The following LTBR variants were observed in gnomAD, a reference collection of about 807,000 sequenced individuals.
LTBR encodes the protein tumor necrosis factor receptor superfamily member 3.
A neutral mutation model predicts 45.4 loss-of-function variants in LTBR; 15 were observed. The ratio of observed to expected loss-of-function variants is 0.33; its 90% CI spans 0.22 to 0.51. The LOEUF is 0.51. Among genes scored for constraint, LTBR ranks in the 20% least tolerant of loss-of-function variants. The pLI is 0.97. For missense variants in LTBR, 450 were observed against 565.5 expected (o/e 0.80, Z 2.07); for synonymous variants, 228 against 231.0 (o/e 0.99, Z 0.12).
intron 8 of LTBR, 183 bp from the exon 9 acceptor site, chr12:6,389,929 C>T: frequency 1.7e-6 from 1 of 599,342 alleles, no homozygotes; most frequent in Non-Finnish European, 3.0e-6. Flanking sequence ...TGCACTGTAG[C>T]CTGGGTGACA....
At chr12:6,383,966 A>C, upstream of LTBR, 1 of 1,052,110 alleles carries the variant, frequency 9.5e-7, no homozygotes, top group Non-Finnish European at 1.2e-6. Flanking sequence ...GGCTGTCCGC[A>C]GTCCGCTCTC....
At position 6,375,887 on chromosome 12, in the gene LTBR, A is replaced by G. The variant is rs572713940; in HGVS notation, c.39+293A>G. The G allele has an allele frequency of 1.1e-5, 14 of 1,266,502 alleles. No individual in the cohort carries two copies. The East Asian group carries it at 4.9e-4, about 45-fold the overall frequency. The allele number at this position is 1,266,502 out of a possible 1,614,324, so 78.5% of individuals were successfully genotyped here. On this transcript the variant is annotated intron_variant, in intron 1 of 9. Transcript: ENST00000539925. ...GGGAACCGGGAGGACAGGAGGGCAGAAAGAGGGAGACAATAGAGAGGGACA... is the reference window on the plus strand; with the variant it reads ...GGGAACCGGGAGGACAGGAGGGCAGGAAGAGGGAGACAATAGAGAGGGACA...
chr12:6,382,296 G>C (rs892183171), upstream of LTBR, among the ~76,000 whole-genome samples: 6 of 152,198 alleles, frequency 3.9e-5, no homozygotes, highest in African/African-American at 4.8e-5. Flanking sequence ...GTGCGTTGGT[G>C]GGGGAGGGGG....
intron 1 of LTBR, chr12:6,375,690 G>A: frequency 6.9e-7 from 1 of 1,444,990 alleles, no homozygotes; most frequent in Non-Finnish European, 9.1e-7. Flanking sequence ...GGGAGTACTG[G>A]ACCTGAGAAG....
At position 6,386,290 on chromosome 12, in the gene LTBR, G is replaced by T. The variant is rs545949248; in HGVS notation, c.570-57G>T. On this transcript the variant is annotated intron_variant, in intron 5 of 9. Coordinates refer to ENST00000228918, the MANE Select transcript of LTBR (RefSeq NM_002342.3). The surrounding 1 kb of genome is among the most constrained non-coding windows in gnomAD (Gnocchi z 4.1). Reference sequence around the variant, plus strand: ...TCAGCCTCCCCGCCTGCCCAGTGGAGTCGGGACACTGGTGGGCCAGGGCGT... The same window carrying T: ...TCAGCCTCCCCGCCTGCCCAGTGGATTCGGGACACTGGTGGGCCAGGGCGT... 5,571 of 1,532,638 alleles carry T rather than the reference G, an allele frequency of 3.6e-3. 20 individuals are homozygous for T. Among genetic ancestry groups the T allele is most frequent in the Non-Finnish European group, 4.5e-3 (5,029 of 1,107,656 alleles). The allele number at this position is 1,532,638 out of a possible 1,614,324, so 94.9% of individuals were successfully genotyped here. A position where few individuals can be genotyped will look rare whatever the true frequency, so the allele number is the denominator to read the frequency against.
At chr12:6,375,469 G>C in exon 1 of LTBR, 1 of 1,535,564 alleles carries the variant, frequency 6.5e-7, no homozygotes, top group Non-Finnish European at 8.7e-7. Flanking sequence ...TTCCTTTCCA[G>C]TTGAATCTGG....
chr12:6,384,873 C>G, intron 2 of LTBR, 149 bp from the exon 3 acceptor site: 1 of 1,138,592 alleles, frequency 8.8e-7, no homozygotes, highest in Non-Finnish European at 1.3e-6. Flanking sequence ...CTCCTCTTTC[C>G]TTACCTCACT....
chr12:6,382,053 C>T (rs1948989949), upstream of LTBR, among the ~76,000 whole-genome samples: 1 of 151,320 alleles, frequency 6.6e-6, no homozygotes, highest in South Asian at 2.1e-4. Flanking sequence ...AAAGTGAAGA[C>T]TCTCTGAGCT....
chr12:6,386,394 C>A lies in LTBR; in HGVS notation c.617C>A (p.Ser206Tyr). 6.2e-7 allele frequency: 1 copy of A among 1,613,926 alleles called. No homozygotes were observed. The highest frequency in any genetic ancestry group is 2.2e-5 in the East Asian group (1 of 44,874). Reference sequence around the variant, plus strand: ...GAGGCAGCTCCAGGCACTGCCCAGTCCGACACAACCTGCAAAAATCCATTA... The same window carrying A: ...GAGGCAGCTCCAGGCACTGCCCAGTACGACACAACCTGCAAAAATCCATTA... ...LVEAAPGTAQ[S>Y]DTTCKNPLEP... Residue 206 changes from serine (S) to tyrosine (Y), a missense_variant, in exon 6 of 10, where the codon TCC becomes TAC. Physicochemically the swap from Ser to Tyr is moderately radical, Grantham distance 144. Around this residue, in one of 3 missense-constraint regions of LTBR, gnomAD observed 367 missense variants for 435.4 expected, o/e 0.84. Coordinates refer to ENST00000228918, the MANE Select transcript of LTBR (RefSeq NM_002342.3). The surrounding 1 kb of genome is among the most constrained non-coding windows in gnomAD (Gnocchi z 4.1).
Position 6,384,421 on chromosome 12 carries a change from C to T in LTBR, c.63C>T (p.Leu21=), listed in dbSNP as rs761189088. ...GLAWGPLVLG[L]FGLLAASQPQ... ...CCTGGGGGCCTCTGGTGCTGGGCCTCTTCGGGCTCCTGGCAGCATCGCAGC... is the reference window on the plus strand; with the variant it reads ...CCTGGGGGCCTCTGGTGCTGGGCCTTTTCGGGCTCCTGGCAGCATCGCAGC... The change falls in exon 1 of 10, where the codon CTC becomes CTT. Residue 21 remains leucine (L), a synonymous_variant. Coordinates refer to ENST00000228918, the MANE Select transcript of LTBR (RefSeq NM_002342.3). The T allele has an allele frequency of 3.2e-6, 5 of 1,545,992 alleles. No individual in the cohort carries two copies. The highest frequency in any genetic ancestry group is 1.2e-5 in the South Asian group (1 of 84,408).
At position 6,385,437 on chromosome 12, in the gene LTBR, G is replaced by A. The variant is rs111629241; in HGVS notation, c.472+58G>A. The A allele has an allele frequency of 4.7e-3, 7,464 of 1,597,160 alleles. 31 individuals are homozygous for A. Among genetic ancestry groups the A allele is most frequent in the Non-Finnish European group, 5.2e-3 (6,090 of 1,171,658 alleles). On this transcript the variant is annotated intron_variant, in intron 4 of 9. Transcript: ENST00000228918. ...GGAGGCTGGGTGCCAGGGATCTCAA[G>A]TGGGAGCAGGGAATATGGTACTGTG...
intron 6 of LTBR, chr12:6,387,273 C>A (rs1949060356): frequency 2.0e-5 from 3 of 152,214 alleles, no homozygotes; most frequent in African/African-American, 7.2e-5. Flanking sequence ...CGGACATTTT[C>A]TATGCATGTT....
chr12:6,384,926 G>C (rs1168542417), intron 2 of LTBR, 96 bp from the exon 3 acceptor site: 2 of 1,521,454 alleles, frequency 1.3e-6, no homozygotes, highest in Non-Finnish European at 1.8e-6. Context: ...TGGGGGGCCA[G>C]AGAGACCGAG....
chr12:6,377,878 C>A (rs1948935708), intron 1 of LTBR: 22 of 376,130 alleles, frequency 5.8e-5, no homozygotes, highest in South Asian at 4.0e-4. Flanking sequence ...AGGGTGGTGA[C>A]CCTGCCACGT....
chr12:6,385,607 G>A, intron 4 of LTBR: 1 of 593,628 alleles, frequency 1.7e-6, no homozygotes, highest in Non-Finnish European at 2.9e-6. Flanking sequence ...GGAAGCTTGG[G>A]CAAAATGGTA....
At chr12:6,377,960 G>C (rs1226868972) in intron 1 of LTBR, among the ~76,000 whole-genome samples, 2 of 152,226 alleles carry the variant, frequency 1.3e-5, no homozygotes, top group African/African-American at 2.4e-5. Context: ...GCTAGAACAG[G>C]CTTGGTGTTG....
At chr12:6,384,761 G>C in intron 2 of LTBR, 77 bp downstream of exon 2, 1 of 1,389,770 alleles carries the variant, frequency 7.2e-7, no homozygotes, top group Non-Finnish European at 1.0e-6. Context: ...GGCCTCAGAG[G>C]GAAGGTGGGC....
At chr12:6,385,605 G>A (rs1949031078) in intron 4 of LTBR, 5 of 595,124 alleles carry the variant, frequency 8.4e-6, no homozygotes, top group Non-Finnish European at 1.5e-5. Context: ...TGGGAAGCTT[G>A]GGCAAAATGG....
chr12:6,375,928 A>T, intron 1 of LTBR: 1 of 1,055,874 alleles, frequency 9.5e-7, no homozygotes, highest in Non-Finnish European at 1.1e-6. Flanking sequence ...GGACAGAGAG[A>T]TAGGGATGGA....
Sources: gnomAD v4.1 joint callset for allele counts (sites outside exome capture counted in the v4.1 genomes callset) on GRCh38, gnomAD v4.1.1 for gene constraint, gnomAD v4.1.1 regional missense constraint, Gnocchi (gnomAD v3.1) non-coding constraint, MANE v1.5 for transcripts, NCBI Gene and HGNC (gene_info 2026-07-23, HGNC 2026-07-21) for gene names.